The following ADAMTS2 variants were observed in gnomAD, a reference collection of about 807,000 sequenced individuals.
ADAMTS2 encodes ADAM metallopeptidase with thrombospondin type 1 motif 2, also known as A disintegrin and metalloproteinase with thrombospondin motifs 2.
In ADAMTS2, 50 loss-of-function variants were observed where a neutral mutation model predicts 123.0. That is an observed-to-expected ratio of 0.41 (90% CI 0.32 to 0.51). The LOEUF (loss-of-function observed/expected upper bound fraction) is 0.51, where lower values mean the gene tolerates loss of function less well. Ranked by LOEUF, ADAMTS2 falls within the 20% of genes least tolerant of loss-of-function variation. ADAMTS2 has a pLI of 0.35. For missense variants in ADAMTS2, 1,494 were observed against 1,705.2 expected (o/e 0.88, Z 2.18); for synonymous variants, 678 against 695.4 (o/e 0.98, Z 0.39).
rs1011018730 is a variant in ADAMTS2 at position 179,189,680 on chromosome 5, G to A, written c.892-8525C>T. 6.6e-6 allele frequency among the ~76,000 whole-genome samples: 1 copy of A among 151,610 alleles called. No homozygotes were observed. Among genetic ancestry groups the A allele is most frequent in the African/African-American group, 2.4e-5 (1 of 41,218 alleles). On this transcript the variant is annotated intron_variant, in intron 4 of 21. Coordinates refer to ENST00000251582, the MANE Select transcript of ADAMTS2 (RefSeq NM_014244.5). The surrounding 1 kb of genome is among the most constrained non-coding windows in gnomAD (Gnocchi z 4.2). ...CCAGGAGCAATTTTTTGTGGGCTGGGGACGGATTTTACAAAGTACATTCTC... is the reference window on the plus strand; with the variant it reads ...CCAGGAGCAATTTTTTGTGGGCTGGAGACGGATTTTACAAAGTACATTCTC...
At chr5:179,154,963 G>T (rs781157842) in intron 6 of ADAMTS2, 44 bp from the exon 7 acceptor site, 1 of 1,565,178 alleles carries the variant, frequency 6.4e-7, no homozygotes, top group Admixed American at 1.8e-5. Flanking sequence ...CCATAGCCTG[G>T]CCGGGAAGGT....
chr5:179,207,730 C>G lies in ADAMTS2; in HGVS notation c.689-15G>C. ...CAGGGAGGCCCCTGCAAGGAGAGGA[C>G]ACCGTCTTCAGCGGCAGGGCAAACC... On this transcript the variant is annotated splice_polypyrimidine_tract_variant and intron_variant, in intron 3 of 21. Coordinates refer to ENST00000251582, the MANE Select transcript of ADAMTS2 (RefSeq NM_014244.5). 1 of 1,607,862 alleles carries G rather than the reference C, an allele frequency of 6.2e-7. No individual in the cohort carries two copies. Among genetic ancestry groups the G allele is most frequent in the Non-Finnish European group, 8.5e-7 (1 of 1,179,762 alleles).
intron 3 of ADAMTS2, among the ~76,000 whole-genome samples, chr5:179,215,185 A>T (rs1423189950): frequency 6.6e-6 from 1 of 152,278 alleles, no homozygotes; most frequent in Non-Finnish European, 1.5e-5. Context: ...GCAGTGGCTC[A>T]CGCCTGTAAT....
At chr5:179,131,306 CAAAAAAAA>C (rs553125844) in intron 15 of ADAMTS2, among the ~76,000 whole-genome samples, 1 of 22,660 alleles carries the variant, frequency 4.4e-5, no homozygotes, top group Non-Finnish European at 1.1e-4. Flanking sequence ...GAGCGAGACT[CAAAAAAAA>C]AAAAAAAAAA....
At position 179,242,085 on chromosome 5, in the gene ADAMTS2, C is replaced by T. The variant is rs539507354; in HGVS notation, c.688+30826G>A. On this transcript the variant is annotated intron_variant, in intron 3 of 21. Transcript: ENST00000251582. The surrounding 1 kb of genome is among the most constrained non-coding windows in gnomAD (Gnocchi z 4.2). The stretch of plus-strand genomic sequence containing the variant: ...GGAGTGAGACTAATCATGGGTCTTC[C>T]ATGAGATCTGAACATTGGGAGAAAA... 1.2e-4 allele frequency among the ~76,000 whole-genome samples: 19 copies of T among 152,182 alleles called. No homozygotes were observed. The highest frequency in any genetic ancestry group is 2.6e-4 in the Non-Finnish European group (18 of 68,038).
At chr5:179,239,161 TG>T (rs1404353826) in intron 3 of ADAMTS2, among the ~76,000 whole-genome samples, 2 of 151,828 alleles carry the variant, frequency 1.3e-5, no homozygotes, top group Non-Finnish European at 2.9e-5. Flanking sequence ...CACATGGGGG[TG>T]GGGAGGCAGG....
intron 3 of ADAMTS2, among the ~76,000 whole-genome samples, chr5:179,214,160 T>TAACAATAAAACCCTAAACCC (rs1561809396): frequency 3.9e-4 from 27 of 68,558 alleles, no homozygotes; most frequent in South Asian, 1.1e-3. Flanking sequence ...CTGAGACACA[T>TAACAATAAAACCCTAAACCC]TAGGACACAA....
At chr5:179,342,764 C>T (rs1290322431) in intron 2 of ADAMTS2, among the ~76,000 whole-genome samples, 1 of 152,230 alleles carries the variant, frequency 6.6e-6, no homozygotes, top group Non-Finnish European at 1.5e-5. Context: ...ACTGCAGTGG[C>T]CTCTGCTGTG....
intron 6 of ADAMTS2, among the ~76,000 whole-genome samples, chr5:179,157,216 C>T (rs1203384503): frequency 1.3e-5 from 2 of 152,294 alleles, no homozygotes; most frequent in Middle Eastern, 3.4e-3. Context: ...TCCCAAAGTG[C>T]TGGGATTACA....
intron 3 of ADAMTS2, among the ~76,000 whole-genome samples, chr5:179,212,030 T>C (rs546560516): frequency 2.6e-5 from 4 of 152,326 alleles, no homozygotes; most frequent in African/African-American, 9.6e-5. Flanking sequence ...AGTCCAACGT[T>C]GTCCACATGC....
chr5:179,299,778 C>G (rs1350677144), intron 2 of ADAMTS2, among the ~76,000 whole-genome samples: 2 of 152,030 alleles, frequency 1.3e-5, no homozygotes, highest in African/African-American at 4.8e-5. Flanking sequence ...CTCTCTGACT[C>G]TGAACTTCTG....
intron 2 of ADAMTS2, among the ~76,000 whole-genome samples, chr5:179,277,356 A>T: frequency 4.8e-5 from 1 of 20,954 alleles, no homozygotes; most frequent in Admixed American, 6.4e-4. Flanking sequence ...CTGAGACCAA[A>T]GGCTGACACC....
At chr5:179,194,839 G>A (rs942557428) in intron 4 of ADAMTS2, among the ~76,000 whole-genome samples, 5 of 152,148 alleles carry the variant, frequency 3.3e-5, no homozygotes, top group African/African-American at 1.2e-4. Flanking sequence ...CAGGTGGGGA[G>A]GGGTGTTTCC....
At chr5:179,183,488 C>T (rs1189332306) in intron 4 of ADAMTS2, among the ~76,000 whole-genome samples, 2 of 152,246 alleles carry the variant, frequency 1.3e-5, no homozygotes, top group African/African-American at 4.8e-5. Context: ...CTGGCTGCTG[C>T]CTGGGACCTG....
intron 4 of ADAMTS2, among the ~76,000 whole-genome samples, chr5:179,187,264 T>C (rs1459602105): frequency 2.6e-5 from 4 of 152,178 alleles, no homozygotes; most frequent in African/African-American, 9.6e-5. Flanking sequence ...CCCCAAGGCA[T>C]GAGACCGCAG....
At chr5:179,164,039 C>T (rs1384428236) in intron 5 of ADAMTS2, among the ~76,000 whole-genome samples, 1 of 152,154 alleles carries the variant, frequency 6.6e-6, no homozygotes, top group African/African-American at 2.4e-5. Flanking sequence ...TGGGTCCCAG[C>T]AGGGGGTACC....
chr5:179,281,360 C>G (rs1238865656), intron 2 of ADAMTS2, among the ~76,000 whole-genome samples: 1 of 152,196 alleles, frequency 6.6e-6, no homozygotes, highest in East Asian at 1.9e-4. Context: ...CCTCCCCAAC[C>G]CAGCCCTGGG....
rs1429661170 is a variant in ADAMTS2 at position 179,170,988 on chromosome 5, C to T, written c.975+10084G>A. Among the ~76,000 whole-genome samples, 4 of 152,194 alleles carry T rather than the reference C, an allele frequency of 2.6e-5. No individual in the cohort carries two copies. On this transcript the variant is annotated intron_variant, in intron 5 of 21. Transcript: ENST00000251582. This position sits in a 1 kb window ranked among gnomAD's most constrained non-coding sequence, Gnocchi z 4.3. ...CCTGGTGGACACAAACTGTTCCAGT[C>T]CACAGTGAGATAAGTACAGAAACTA...
chr5:179,261,399 C>A (rs114214203), intron 3 of ADAMTS2, among the ~76,000 whole-genome samples: 2 of 152,314 alleles, frequency 1.3e-5, no homozygotes, highest in East Asian at 3.9e-4. Flanking sequence ...GGCTCTGCCC[C>A]GAGTGGTGAG....
Sources: allele counts gnomAD v4.1 joint callset (sites outside exome capture counted in the v4.1 genomes callset), GRCh38; gene constraint gnomAD v4.1.1; non-coding constraint Gnocchi (gnomAD v3.1); transcripts MANE v1.5; gene names NCBI Gene and HGNC (gene_info 2026-07-23, HGNC 2026-07-21).